GSK3B: variants seen among roughly 807,000 people sequenced by gnomAD.
The protein encoded by GSK3B is glycogen synthase kinase-3 beta.
A neutral mutation model predicts 56.4 loss-of-function variants in GSK3B; 15 were observed. The ratio of observed to expected loss-of-function variants is 0.27; its 90% CI spans 0.18 to 0.41. The LOEUF (loss-of-function observed/expected upper bound fraction) is 0.41, where lower values mean the gene tolerates loss of function less well. Among genes scored for constraint, GSK3B ranks in the 10% least tolerant of loss-of-function variants. The pLI is 1.00. For missense variants in GSK3B, 300 were observed against 513.4 expected (o/e 0.58, Z 4.02); for synonymous variants, 181 against 188.9 (o/e 0.96, Z 0.34).
At chr3:119,846,088 C>T (rs1489029481) in intron 9 of GSK3B, among the ~76,000 whole-genome samples, 1 of 152,184 alleles carries the variant, frequency 6.6e-6, no homozygotes, top group Non-Finnish European at 1.5e-5. Context: ...GGAAAACTAG[C>T]TAGGCATATG....
At chr3:119,828,132 A>G (rs966547518) in intron 10 of GSK3B, among the ~76,000 whole-genome samples, 12 of 152,182 alleles carry the variant, frequency 7.9e-5, no homozygotes, top group Admixed American at 7.9e-4. Context: ...AGAAAAGGAA[A>G]GCATCTTGTA....
chr3:119,908,158 T>A (rs186893366), intron 6 of GSK3B, among the ~76,000 whole-genome samples: 35 of 152,286 alleles, frequency 2.3e-4, no homozygotes, highest in African/African-American at 7.7e-4. Flanking sequence ...AAGTTTATAA[T>A]GGGAAGCCAA....
chr3:119,887,332 T>C (rs1041448721), intron 7 of GSK3B, among the ~76,000 whole-genome samples: 3 of 150,942 alleles, frequency 2.0e-5, no homozygotes, highest in African/African-American at 4.9e-5. Context: ...AGTAGGAAAA[T>C]ATAAGAAGAG....
At chr3:119,853,443 T>C (rs1414014843) in intron 9 of GSK3B, among the ~76,000 whole-genome samples, 4 of 152,244 alleles carry the variant, frequency 2.6e-5, no homozygotes, top group East Asian at 1.9e-4. Flanking sequence ...AGTAGTTCTT[T>C]CCATTTCTGT....
chr3:119,938,367 A>G lies in GSK3B; in HGVS notation c.366+8901T>C, dbSNP rs1031300702. 5.9e-5 allele frequency among the ~76,000 whole-genome samples: 9 copies of G among 152,264 alleles called. No homozygotes were observed. The South Asian group carries it at 1.9e-3, about 32-fold the overall frequency. ...AATATCCCTTATAAATATAAACGCA[A>G]AAATCCTCATGAAAATACTAGAATA... On this transcript the variant is annotated intron_variant, in intron 3 of 10. Coordinates refer to ENST00000264235, the MANE Select transcript of GSK3B (RefSeq NM_001146156.2).
chr3:119,845,092 C>T (rs373107298), intron 9 of GSK3B, among the ~76,000 whole-genome samples: 54 of 152,234 alleles, frequency 3.5e-4, no homozygotes, highest in African/African-American at 1.2e-3. Context: ...GTGGCGAAGG[C>T]CTTTAATAAA....
Position 120,061,040 on chromosome 3 carries a change from G to A in GSK3B, c.88+32307C>T, listed in dbSNP as rs117642451. On this transcript the variant is annotated intron_variant, in intron 1 of 10. Coordinates refer to ENST00000264235, the MANE Select transcript of GSK3B (RefSeq NM_001146156.2). ...TTAACTTTCTACTCTTTCCATTTCT[G>A]TCATCAAAAAAACACCATCAAATTG... Among the ~76,000 whole-genome samples the A allele has an allele frequency of 1.2e-3, 190 of 152,056 alleles. 6 individuals are homozygous for A. In the East Asian group the frequency reaches 0.02, roughly 16 times the overall value.
intron 1 of GSK3B, among the ~76,000 whole-genome samples, chr3:120,074,435 T>C (rs2058353189): frequency 6.6e-6 from 1 of 151,230 alleles, no homozygotes; most frequent in South Asian, 2.1e-4. Flanking sequence ...TACTGCAACT[T>C]CCACCTCCCG....
intron 1 of GSK3B, among the ~76,000 whole-genome samples, chr3:120,039,622 C>T (rs964358838): frequency 6.6e-6 from 1 of 152,222 alleles, no homozygotes; most frequent in Non-Finnish European, 1.5e-5. Context: ...CATCCCATCA[C>T]TGTAACTCAC....
At chr3:120,070,580 A>G (rs2058318912) in intron 1 of GSK3B, among the ~76,000 whole-genome samples, 5 of 152,186 alleles carry the variant, frequency 3.3e-5, no homozygotes, top group Admixed American at 2.6e-4. Context: ...ATACCTAAAG[A>G]TGGTATCAAA....
chr3:119,894,719 C>T (rs1042994562), intron 7 of GSK3B, among the ~76,000 whole-genome samples: 4 of 152,050 alleles, frequency 2.6e-5, no homozygotes, highest in Non-Finnish European at 4.4e-5. Context: ...ATGCTGTCTT[C>T]TAAAGCACAA....
chr3:119,828,075 C>T (rs1373063638), intron 10 of GSK3B, among the ~76,000 whole-genome samples: 1 of 151,988 alleles, frequency 6.6e-6, no homozygotes, highest in Non-Finnish European at 1.5e-5. Context: ...TCTCAGGTAA[C>T]CCATAAATAT....
chr3:119,880,943 G>A (rs147273322), intron 7 of GSK3B, among the ~76,000 whole-genome samples: 1 of 152,218 alleles, frequency 6.6e-6, no homozygotes, highest in Non-Finnish European at 1.5e-5. Context: ...GTTTATAAGT[G>A]TATACCTTCA....
intron 7 of GSK3B, among the ~76,000 whole-genome samples, chr3:119,891,195 A>C (rs2056497991): frequency 6.6e-6 from 1 of 151,808 alleles, no homozygotes; most frequent in East Asian, 1.9e-4. Context: ...TGTAGCAGGC[A>C]AATGAGTAAA....
intron 8 of GSK3B, among the ~76,000 whole-genome samples, chr3:119,873,322 T>C (rs2056271005): frequency 6.6e-6 from 1 of 152,064 alleles, no homozygotes; most frequent in South Asian, 2.1e-4. Flanking sequence ...TTGGTCTTTA[T>C]TTCTGTCTAC....
At chr3:119,984,229 C>T (rs2057492309) in intron 2 of GSK3B, among the ~76,000 whole-genome samples, 2 of 152,128 alleles carry the variant, frequency 1.3e-5, no homozygotes, top group East Asian at 3.9e-4. Context: ...AAATTTATAG[C>T]ACTAAATGGC....
chr3:120,080,917 C>T (rs1171649472), intron 1 of GSK3B, among the ~76,000 whole-genome samples: 1 of 151,998 alleles, frequency 6.6e-6, no homozygotes, highest in East Asian at 1.9e-4. Flanking sequence ...AAAGACTTCT[C>T]ATATTTAAAT....
rs1443940239 is a variant in GSK3B, at chr3:120,050,440, G to A, written c.88+42907C>T. On this transcript the variant is annotated intron_variant, in intron 1 of 10. Coordinates refer to ENST00000264235, the MANE Select transcript of GSK3B (RefSeq NM_001146156.2). ...TATGGGCTATAGTTTGCAAACCTCT[G>A]GTCTAGGCAGAGTGATAAGGTCCTA... Among the ~76,000 whole-genome samples, 4 of 152,324 alleles carry A rather than the reference G, an allele frequency of 2.6e-5. No homozygotes were observed. In the East Asian group the frequency reaches 7.7e-4, roughly 29 times the overall value.
At chr3:119,976,453 A>C (rs1456328431) in intron 2 of GSK3B, among the ~76,000 whole-genome samples, 3 of 152,176 alleles carry the variant, frequency 2.0e-5, no homozygotes, top group Non-Finnish European at 4.4e-5. Context: ...ATACTATTCT[A>C]AGTGAAAGAA....
Sources: gnomAD v4.1 joint callset for allele counts (sites outside exome capture counted in the v4.1 genomes callset) on GRCh38, gnomAD v4.1.1 for gene constraint, MANE v1.5 for transcripts, NCBI Gene and HGNC (gene_info 2026-07-23, HGNC 2026-07-21) for gene names.